Variants in SYBU observed in about 807,000 individuals in gnomAD.
The protein encoded by SYBU is GOLSYN A protein.
In SYBU, 21 loss-of-function variants were observed where a neutral mutation model predicts 35.9. That is an observed-to-expected ratio of 0.58 (90% CI 0.41 to 0.84). The LOEUF is 0.84. Among genes scored for constraint, SYBU ranks in the 40% least tolerant of loss-of-function variants. The pLI, the probability that SYBU is intolerant of heterozygous loss-of-function variation, is 0.00. For synonymous variants in SYBU, 319 were observed against 324.3 expected, an observed-to-expected ratio of 0.98 and a Z score of 0.18; for missense variants, 768 against 848.2, an observed-to-expected ratio of 0.91 and a Z score of 1.17.
chr8:109,657,078 G>A (rs35963275), intron 1 of SYBU, among the ~76,000 whole-genome samples: 1,792 of 152,116 alleles, frequency 0.012, 17 homozygotes, highest in Non-Finnish European at 0.02. Context: ...TAAGAAATAC[G>A]GTTAAATGAA....
chr8:109,576,280 G>A (rs1462746704), intron 6 of SYBU, among the ~76,000 whole-genome samples: 2 of 152,070 alleles, frequency 1.3e-5, no homozygotes, highest in Non-Finnish European at 2.9e-5. Flanking sequence ...CTCTTTACTT[G>A]TAAAATGGCT....
upstream of SYBU, among the ~76,000 whole-genome samples, chr8:109,683,250 C>A (rs1817444487): frequency 6.6e-6 from 1 of 152,212 alleles, no homozygotes; most frequent in Non-Finnish European, 1.5e-5. Context: ...CCTGTGAAAG[C>A]AGCCAGGAGT....
At chr8:109,683,834 GT>G (rs1227035565), upstream of SYBU, among the ~76,000 whole-genome samples, 12 of 152,194 alleles carry the variant, frequency 7.9e-5, no homozygotes, top group African/African-American at 2.7e-4. Flanking sequence ...TCTCATGATA[GT>G]GAGTGTGTTC....
chr8:109,585,923 TA>T (rs565534968), intron 4 of SYBU, 136 bp downstream of exon 4: 235 of 654,796 alleles, frequency 3.6e-4, no homozygotes, highest in Admixed American at 1.0e-3. Context: ...AAAATCACTG[TA>T]AAAAAACAAA....
At chr8:109,618,141 T>C (rs952142770) in intron 3 of SYBU, among the ~76,000 whole-genome samples, 2 of 152,200 alleles carry the variant, frequency 1.3e-5, no homozygotes, top group Non-Finnish European at 2.9e-5. Context: ...AGAGGATACC[T>C]CCCAATGACG....
intron 2 of SYBU, among the ~76,000 whole-genome samples, chr8:109,621,768 A>G (rs11991112): frequency 0.13 from 19,113 of 152,208 alleles, 1,472 homozygotes; most frequent in South Asian, 0.23. Flanking sequence ...TGGGTTATGG[A>G]AGAAGCCTGG....
At chr8:109,687,231 A>G (rs1817540057) in intron 1 of SYBU, among the ~76,000 whole-genome samples, 1 of 152,196 alleles carries the variant, frequency 6.6e-6, no homozygotes, top group East Asian at 1.9e-4. Flanking sequence ...CTGATGAAAA[A>G]CTAAGAGAAC....
At chr8:109,642,301 T>TG (rs11370775) in intron 2 of SYBU, among the ~76,000 whole-genome samples, 16,058 of 151,090 alleles carry the variant, frequency 0.11, 2,318 homozygotes, top group African/African-American at 0.33. Context: ...TGTCAGGGGG[T>TG]GGGGGCTAGG....
In SYBU at chr8:109,574,883, C is replaced by G; in HGVS notation, c.*23G>C. On this transcript the variant is annotated 3_prime_UTR_variant, in exon 7 of 7. Transcript: ENST00000276646. ...GCACAACCCACATGGGACACATTGG[C>G]ACACGGTAACAACAACTTCTATTTA... is the stretch of plus-strand genomic sequence containing the variant. 1 of 1,510,716 alleles carries G rather than the reference C, an allele frequency of 6.6e-7. No individual in the cohort carries two copies. Among genetic ancestry groups the G allele is most frequent in the Non-Finnish European group, 8.9e-7 (1 of 1,129,514 alleles). The allele number at this position is 1,510,716 out of a possible 1,614,324, so 93.6% of individuals were successfully genotyped here.
intron 2 of SYBU, among the ~76,000 whole-genome samples, chr8:109,641,666 G>A (rs149491952): frequency 9.2e-5 from 14 of 152,298 alleles, no homozygotes; most frequent in Non-Finnish European, 1.9e-4. Context: ...TATCTTTGGG[G>A]AATTTTATAA....
At chr8:109,624,835 A>G (rs1812808363) in intron 2 of SYBU, among the ~76,000 whole-genome samples, 1 of 152,196 alleles carries the variant, frequency 6.6e-6, no homozygotes, top group Non-Finnish European at 1.5e-5. Flanking sequence ...ATAAATTGTT[A>G]TTGGAACACA....
intron 1 of SYBU, among the ~76,000 whole-genome samples, chr8:109,655,417 C>T (rs932278570): frequency 6.6e-6 from 1 of 152,190 alleles, no homozygotes; most frequent in Non-Finnish European, 1.5e-5. Flanking sequence ...GGGCTTGTAA[C>T]ATGAGTTGAA....
chr8:109,618,796 C>G, intron 3 of SYBU, 46 bp downstream of exon 3: 2 of 1,547,386 alleles, frequency 1.3e-6, no homozygotes, highest in South Asian at 1.1e-5. Context: ...TGAAACTACT[C>G]CCATCACATT....
At chr8:109,662,679 C>G (rs1474536489) in intron 1 of SYBU, among the ~76,000 whole-genome samples, 2 of 152,152 alleles carry the variant, frequency 1.3e-5, no homozygotes, top group African/African-American at 2.4e-5. Flanking sequence ...TAGTATCTAT[C>G]AGGACATAAT....
At chr8:109,643,717 G>A (rs1815206530) in intron 1 of SYBU, 1 of 165,542 alleles carries the variant, frequency 6.0e-6, no homozygotes, top group South Asian at 1.5e-4. Context: ...AACTTATAAA[G>A]TGCTTTTCCA....
intron 2 of SYBU, among the ~76,000 whole-genome samples, chr8:109,626,722 A>G (rs1390843134): frequency 1.3e-5 from 2 of 152,080 alleles, no homozygotes; most frequent in Non-Finnish European, 2.9e-5. Context: ...CCAGCCTAGG[A>G]AACATGGTGA....
At chr8:109,663,926 C>T (rs79805508) in intron 1 of SYBU, among the ~76,000 whole-genome samples, 2,441 of 152,242 alleles carry the variant, frequency 0.016, 69 homozygotes, top group African/African-American at 0.056. Context: ...GTTCAGCTTA[C>T]TGTATATGTC....
intron 3 of SYBU, among the ~76,000 whole-genome samples, chr8:109,615,757 G>A (rs1193693036): frequency 6.6e-6 from 1 of 152,032 alleles, no homozygotes; most frequent in Non-Finnish European, 1.5e-5. Context: ...TGAGGCTTTG[G>A]CTTTGGGGAA....
In SYBU at chr8:109,575,109, C is replaced by A. The variant is rs1485441798; in HGVS notation, c.1789G>T (p.Gly597Cys). 9.3e-6 allele frequency: 15 copies of A among 1,612,922 alleles called. No homozygotes were observed. The highest frequency in any genetic ancestry group is 3.3e-4 in the Middle Eastern group (2 of 6,082). Residue 597 changes from glycine (G) to cysteine (C), a missense_variant, in exon 7 of 7, where the codon GGC becomes TGC. Transcript: ENST00000276646. The part of the protein sequence containing the change: ...LDGVIPLARG[G>C]VVRQYWSSSF... ...CTGCTCCAGTACTGCCTCACGACGC[C>A]CCCGCGAGCCAGTGGGATGACACCA... is the stretch of plus-strand genomic sequence containing the variant.
Sources: gnomAD v4.1 joint callset for allele counts (sites outside exome capture counted in the v4.1 genomes callset) on GRCh38, gnomAD v4.1.1 for gene constraint, MANE v1.5 for transcripts, NCBI Gene and HGNC (gene_info 2026-07-23, HGNC 2026-07-21) for gene names.